The following MPV17L variants were observed in gnomAD, a reference collection of about 807,000 sequenced individuals.
MPV17L encodes the protein mpv17-like protein.
MPV17L carries 24 observed loss-of-function variants against 25.8 expected under a neutral mutation model. The ratio of observed to expected loss-of-function variants is 0.93; its 90% confidence interval spans 0.67 to 1.31. The LOEUF (loss-of-function observed/expected upper bound fraction) is 1.31. Ranked by LOEUF, MPV17L falls within the 50% of genes most tolerant of loss-of-function variation. The probability of loss-of-function intolerance (pLI) is 0.00; values close to 1 mark genes in which losing one functional copy is unlikely to be tolerated. For synonymous variants in MPV17L, 102 were observed against 115.3 expected (o/e 0.88, Z 0.74); for missense variants, 250 against 265.6 (o/e 0.94, Z 0.41).
chr16:15,403,560 G>A (rs1353620224), intron 2 of MPV17L, among the ~76,000 whole-genome samples: 1 of 151,696 alleles, frequency 6.6e-6, no homozygotes, highest in East Asian at 1.9e-4. Context: ...TGTGGTCCCA[G>A]CTGCTCGGGA....
In MPV17L at chr16:15,403,810, C is replaced by T. The variant is rs186766911; in HGVS notation, c.381+2953C>T. 1.4e-3 allele frequency among the ~76,000 whole-genome samples: 213 copies of T among 152,168 alleles called. 1 individual carries two copies. The highest frequency in any genetic ancestry group is 2.5e-3 in the Non-Finnish European group (168 of 68,006). ...GTTACAATGAGTGAGTCTCATCTAC[C>T]CTCAGGAGAAGAAAGAGGGCAAACC... On this transcript the variant is annotated intron_variant, in intron 2 of 3. Transcript: ENST00000396385.
At chr16:15,404,935 A>G (rs752141426) in intron 2 of MPV17L, among the ~76,000 whole-genome samples, 6 of 152,214 alleles carry the variant, frequency 3.9e-5, no homozygotes, top group Non-Finnish European at 8.8e-5. Flanking sequence ...AGGAGAGTTC[A>G]TGGCAGGGTT....
At chr16:15,396,255 A>T in intron 1 of MPV17L, 48 bp downstream of exon 1, 1 of 1,528,948 alleles carries the variant, frequency 6.5e-7, no homozygotes, top group East Asian at 2.5e-5. Context: ...GTATTGGGGG[A>T]CTGGAGGCTG....
intron 1 of MPV17L, among the ~76,000 whole-genome samples, chr16:15,396,497 C>T (rs1598421137): frequency 6.6e-6 from 1 of 152,162 alleles, no homozygotes; most frequent in East Asian, 1.9e-4. Context: ...GGTCGGGGCT[C>T]AGACTCTGGG....
intron 2 of MPV17L, among the ~76,000 whole-genome samples, chr16:15,401,079 TATATATA>T (rs1168409495): frequency 5.1e-3 from 218 of 42,618 alleles, no homozygotes; most frequent in Non-Finnish European, 6.7e-3. Context: ...TATATATATA[TATATATA>T]TTTTTTTTTT....
chr16:15,406,854 A>T (rs2050685059), intron 2 of MPV17L, among the ~76,000 whole-genome samples: 1 of 152,162 alleles, frequency 6.6e-6, no homozygotes, highest in Non-Finnish European at 1.5e-5. Context: ...TGAACCTAGG[A>T]GGCAGATGTT....
At chr16:15,402,648 GT>G (rs2050647863) in intron 2 of MPV17L, among the ~76,000 whole-genome samples, 2 of 152,102 alleles carry the variant, frequency 1.3e-5, no homozygotes, top group South Asian at 4.1e-4. Context: ...TTTTCTTCTG[GT>G]TTTGTTTTTT....
chr16:15,398,843 C>G (rs1484019754), intron 1 of MPV17L, among the ~76,000 whole-genome samples: 1 of 151,962 alleles, frequency 6.6e-6, no homozygotes, highest in Non-Finnish European at 1.5e-5. Context: ...ACTTGCCCAC[C>G]TCGGTCTCCC....
chr16:15,409,615 C>T lies in MPV17L; in HGVS notation c.*1503C>T, dbSNP rs2050715310. Reference sequence around the variant, plus strand: ...TGTAAGAACTAATGATAATCCACCACCCTTTGCTGACTCCTTTTTTGGACT... The same window carrying T: ...TGTAAGAACTAATGATAATCCACCATCCTTTGCTGACTCCTTTTTTGGACT... On this transcript the variant is annotated 3_prime_UTR_variant, in exon 4 of 4. Transcript: ENST00000396385. 6.6e-6 allele frequency: 1 copy of T among 151,918 alleles called. No homozygotes were observed. The highest frequency in any genetic ancestry group is 1.5e-5 in the Non-Finnish European group (1 of 68,016). The allele number at this position is 151,918 out of a possible 1,614,324, so 9.4% of individuals were successfully genotyped here. A position where few individuals can be genotyped will look rare whatever the true frequency, so the allele number is the denominator to read the frequency against.
At chr16:15,398,790 C>T (rs773669340) in intron 1 of MPV17L, among the ~76,000 whole-genome samples, 3 of 151,780 alleles carry the variant, frequency 2.0e-5, no homozygotes, top group African/African-American at 2.4e-5. Context: ...GACGGGGTTT[C>T]GCCAAGTTGG....
At chr16:15,406,193 A>T (rs906225740) in intron 2 of MPV17L, among the ~76,000 whole-genome samples, 5 of 151,288 alleles carry the variant, frequency 3.3e-5, no homozygotes, top group African/African-American at 4.9e-5. Flanking sequence ...CATCTCAAAA[A>T]ATATATATAT....
intron 1 of MPV17L, among the ~76,000 whole-genome samples, chr16:15,396,689 C>T (rs567335764): frequency 8.7e-4 from 132 of 152,210 alleles, no homozygotes; most frequent in African/African-American, 1.3e-3. Flanking sequence ...CCTGGGGCCC[C>T]GGGGCCAACA....
In MPV17L at chr16:15,396,346, A is replaced by C. The variant is rs1257191409; in HGVS notation, c.310+139A>C. On this transcript the variant is annotated intron_variant, in intron 1 of 3. Coordinates refer to ENST00000396385, the MANE Select transcript of MPV17L (RefSeq NM_001128423.2). Reference sequence around the variant, plus strand: ...GCAGGAGCCGGGGCTCTGAGACCGGAGCTGCTTCAGAGGCCTGAAGGGCCA... The same window carrying C: ...GCAGGAGCCGGGGCTCTGAGACCGGCGCTGCTTCAGAGGCCTGAAGGGCCA... 3.4e-6 allele frequency: 4 copies of C among 1,164,296 alleles called. No individual in the cohort carries two copies. In the East Asian group the frequency reaches 1.1e-4, roughly 31 times the overall value. 72.1% of individuals were successfully genotyped at this position (1,164,296 alleles called of 1,614,324 possible).
At chr16:15,404,073 C>G (rs1177551547) in intron 2 of MPV17L, among the ~76,000 whole-genome samples, 4 of 152,032 alleles carry the variant, frequency 2.6e-5, no homozygotes, top group East Asian at 1.9e-4. Context: ...CCACTGCACT[C>G]CAGCCTGGGT....
intron 1 of MPV17L, among the ~76,000 whole-genome samples, 153 bp downstream of exon 1, chr16:15,396,360 C>T (rs1484505990): frequency 6.6e-6 from 1 of 152,042 alleles, no homozygotes; most frequent in Non-Finnish European, 1.5e-5. Flanking sequence ...GCTTCAGAGG[C>T]CTGAAGGGCC....
At position 15,396,223 on chromosome 16, in the gene MPV17L, G is replaced by A; in HGVS notation, c.310+16G>A. The A allele has an allele frequency of 6.5e-7, 1 of 1,546,134 alleles. No individual in the cohort carries two copies. Among genetic ancestry groups the A allele is most frequent in the Non-Finnish European group, 8.7e-7 (1 of 1,146,114 alleles). On this transcript the variant is annotated intron_variant, in intron 1 of 3. Coordinates refer to ENST00000396385, the MANE Select transcript of MPV17L (RefSeq NM_001128423.2). ...TTCTATGTCGGTGAGGGGCCGGGAG[G>A]GGACCTGGGGGGTGGGACCCAGTAT...
intron 1 of MPV17L, among the ~76,000 whole-genome samples, chr16:15,399,268 G>A (rs1005119932): frequency 4.6e-5 from 7 of 152,082 alleles, no homozygotes; most frequent in Admixed American, 6.6e-5. Flanking sequence ...TGTAAGAATC[G>A]TCTGTAATTA....
chr16:15,397,974 G>A (rs1333162892), intron 1 of MPV17L, among the ~76,000 whole-genome samples: 2 of 152,106 alleles, frequency 1.3e-5, no homozygotes, highest in Non-Finnish European at 2.9e-5. Context: ...CAGGAACCTG[G>A]TACACTGGTG....
chr16:15,401,091 T>A (rs1328447930), intron 2 of MPV17L, among the ~76,000 whole-genome samples: 203 of 121,674 alleles, frequency 1.7e-3, no homozygotes, highest in South Asian at 9.8e-3. Flanking sequence ...TATATATTTT[T>A]TTTTTTTTTT....
Sources: allele counts gnomAD v4.1 joint callset (sites outside exome capture counted in the v4.1 genomes callset), GRCh38; gene constraint gnomAD v4.1.1; transcripts MANE v1.5; gene names NCBI Gene and HGNC (gene_info 2026-07-23, HGNC 2026-07-21).